The following DST variants were observed in gnomAD, a reference collection of about 807,000 sequenced individuals.
DST encodes the protein dystonin, also known as bullous pemphigoid antigen.
Under a neutral mutation model 875.2 loss-of-function variants are expected in DST, and 253 were observed. That is an observed-to-expected ratio of 0.29 (90% CI 0.26 to 0.32). The LOEUF (loss-of-function observed/expected upper bound fraction) is 0.32. Ranked by LOEUF, DST falls within the 10% of genes least tolerant of loss-of-function variation. The pLI is 1.00. For missense variants in DST, 8,287 were observed against 9,111.6 expected, an observed-to-expected ratio of 0.91 and a Z score of 3.68; for synonymous variants, 3,124 against 3,197.1, an observed-to-expected ratio of 0.98 and a Z score of 0.77.
At chr6:56,535,350 A>C in intron 62 of DST, 58 bp from the exon 63 acceptor site, 1 of 1,493,030 alleles carries the variant, frequency 6.7e-7, no homozygotes, top group Non-Finnish European at 8.9e-7. Context: ...ATGCAATCTG[A>C]GCACAAATCA....
At position 56,916,753 on chromosome 6, in the gene DST, ATCTC is replaced by A. The variant is rs70989741; in HGVS notation, c.217-16136_217-16133del. Among the ~76,000 whole-genome samples, 615 of 95,396 alleles carry A rather than the reference ATCTC, an allele frequency of 6.4e-3. 6 individuals are homozygous for A. Among genetic ancestry groups the A allele is most frequent in the African/African-American group, 0.025 (546 of 21,444 alleles). The allele number at this position is 95,396 out of a possible 152,430, so 62.6% of individuals were successfully genotyped here. ...GAGACAAGATCTTCTCTCTCTCTCT[ATCTC>A]TCTCTCTCTCTCTCTCTCTCTCACA... On this transcript the variant is annotated intron_variant, in intron 2 of 103. Coordinates refer to ENST00000680361, the MANE Select transcript of DST (RefSeq NM_001374736.1).
Position 56,555,687 on chromosome 6 carries a change from T to C in DST, c.14794A>G (p.Thr4932Ala), listed in dbSNP as rs535492343. Residue 4932 changes from threonine to alanine, a missense_variant, in exon 60 of 104, where the codon ACA (threonine) becomes GCA (alanine). Around this residue, in one of 10 missense-constraint regions of DST, gnomAD observed 1,513 missense variants for 1,677.8 expected, o/e 0.90. Transcript: ENST00000680361. Reference protein sequence around the residue: ...AAVTQKWDSLTGQLSDRCDWI... With the variant: ...AAVTQKWDSLAGQLSDRCDWI... Reference sequence around the variant, plus strand: ...TCACATCTGTCACTCAATTGCCCTGTTAGGCTATCCCATTTTTGGGTCACA... The same window carrying C: ...TCACATCTGTCACTCAATTGCCCTGCTAGGCTATCCCATTTTTGGGTCACA... 2 of 1,613,388 alleles carry C rather than the reference T, an allele frequency of 1.2e-6. No individual in the cohort carries two copies. The highest frequency in any genetic ancestry group is 1.1e-5 in the South Asian group (1 of 91,060).
At position 56,954,580 on chromosome 6, in the gene DST, G is replaced by A. The variant is rs778413220; in HGVS notation, c.8C>T (p.Ala3Val). 10 of 1,358,800 alleles carry A rather than the reference G, an allele frequency of 7.4e-6. 1 individual carries two copies. In the South Asian group the frequency reaches 1.1e-4, roughly 16 times the overall value. The allele number at this position is 1,358,800 out of a possible 1,614,324, so 84.2% of individuals were successfully genotyped here. Reference sequence around the variant, plus strand: ...TCTCAGCAAGACGAGGAAAGCCGCGGCGATCATGGTGCGGGCGAGGCGAGG... The same window carrying A: ...TCTCAGCAAGACGAGGAAAGCCGCGACGATCATGGTGCGGGCGAGGCGAGG... Reference protein sequence around the residue: MIAAAFLVLLRPY... With the variant: MIVAAFLVLLRPY... Residue 3 changes from alanine (A) to valine (V), a missense_variant, in exon 1 of 104, where the codon GCC (alanine) becomes GTC (valine). Ala to Val is a moderately conservative substitution (Grantham distance 64). Transcript: ENST00000680361.
chr6:56,658,775 G>A (rs936782243), intron 10 of DST, among the ~76,000 whole-genome samples: 1 of 152,202 alleles, frequency 6.6e-6, no homozygotes, highest in East Asian at 1.9e-4. Context: ...AACAGCCACT[G>A]TGCATATGGA....
intron 4 of DST, among the ~76,000 whole-genome samples, chr6:56,739,582 T>C (rs911844306): frequency 2.0e-5 from 3 of 152,110 alleles, no homozygotes; most frequent in Non-Finnish European, 4.4e-5. Context: ...CATTCCCAGA[T>C]GGTTAAGGCA....
intron 73 of DST, among the ~76,000 whole-genome samples, chr6:56,510,989 T>G (rs1291546883): frequency 6.6e-6 from 1 of 152,146 alleles, no homozygotes; most frequent in Admixed American, 6.5e-5. Flanking sequence ...AAATTATTTG[T>G]ATTATATCTA....
chr6:56,816,607 G>A (rs1195442426), intron 4 of DST, among the ~76,000 whole-genome samples: 1 of 152,060 alleles, frequency 6.6e-6, no homozygotes, highest in Non-Finnish European at 1.5e-5. Context: ...AAGCATCCTG[G>A]CAGTTTATTA....
intron 71 of DST, among the ~76,000 whole-genome samples, chr6:56,516,147 GAA>G (rs2096584636): frequency 1.4e-5 from 2 of 142,984 alleles, no homozygotes; most frequent in Non-Finnish European, 3.1e-5. Context: ...GAGAGAGAGA[GAA>G]AGAGAAAGAG....
At chr6:56,622,462 G>C (rs568652182) in intron 36 of DST, among the ~76,000 whole-genome samples, 4 of 150,010 alleles carry the variant, frequency 2.7e-5, no homozygotes, top group Non-Finnish European at 5.9e-5. Context: ...TGTAATCCCA[G>C]CTACTCGGAA....
intron 2 of DST, among the ~76,000 whole-genome samples, chr6:56,938,108 C>CTATATATATA (rs3031114): frequency 2.9e-4 from 35 of 120,750 alleles, no homozygotes; most frequent in African/African-American, 1.2e-3. Flanking sequence ...CTCTCTCTCT[C>CTATATATATA]TATATATATA....
At chr6:56,522,872 T>G (rs2096733145) in intron 69 of DST, among the ~76,000 whole-genome samples, 1 of 152,112 alleles carries the variant, frequency 6.6e-6, no homozygotes, top group Non-Finnish European at 1.5e-5. Context: ...GCTTAAAGAA[T>G]CAAGGTAGTC....
chr6:56,509,891 A>C lies in DST; in HGVS notation c.18781-18T>G, dbSNP rs557906194. On this transcript the variant is annotated intron_variant, in intron 73 of 103. Transcript: ENST00000680361. ...TCATGGAACTAGGGGCAAAACAAAG[A>C]GATCTTTTATGGAAAAAAGATCTGT... is the stretch of plus-strand genomic sequence containing the variant. The C allele has an allele frequency of 4.7e-5, 73 of 1,542,376 alleles. No homozygotes were observed. In the South Asian group the frequency reaches 9.0e-4, roughly 19 times the overall value.
At chr6:56,662,339 C>A (rs903368261) in intron 10 of DST, among the ~76,000 whole-genome samples, 1 of 152,176 alleles carries the variant, frequency 6.6e-6, no homozygotes, top group African/African-American at 2.4e-5. Context: ...AAGACACATA[C>A]AAAGTTCAGT....
chr6:56,620,289 T>C (rs398122943), intron 36 of DST: 1 of 1,614,208 alleles, frequency 6.2e-7, no homozygotes, highest in Non-Finnish European at 8.5e-7. Context: ...AGTGTTCGTC[T>C]GGTAAAGGTG....
intron 4 of DST, among the ~76,000 whole-genome samples, chr6:56,738,898 T>C (rs1187709295): frequency 6.6e-6 from 1 of 152,036 alleles, no homozygotes; most frequent in Admixed American, 6.6e-5. Context: ...GCTGGGATTA[T>C]AGGCGTGAAC....
At chr6:56,646,242 C>T in intron 13 of DST, 60 bp from the exon 14 acceptor site, 2 of 936,096 alleles carry the variant, frequency 2.1e-6, no homozygotes, top group Non-Finnish European at 3.2e-6. Context: ...TTCATGATCT[C>T]ACTAAGCCAC....
Position 56,748,357 on chromosome 6 carries a change from A to G in DST, c.626-13068T>C, listed in dbSNP as rs977895260. On this transcript the variant is annotated intron_variant, in intron 4 of 103. Coordinates refer to ENST00000680361, the MANE Select transcript of DST (RefSeq NM_001374736.1). ...AGGAATCTACATAAACCTAGGTTCAAATATTAGCATCAAAACTGGCTAGCA... is the reference window on the plus strand; with the variant it reads ...AGGAATCTACATAAACCTAGGTTCAGATATTAGCATCAAAACTGGCTAGCA... 3.3e-5 allele frequency among the ~76,000 whole-genome samples: 5 copies of G among 152,178 alleles called. No individual in the cohort carries two copies. In the East Asian group the frequency reaches 9.6e-4, roughly 29 times the overall value.
At chr6:56,868,002 C>T (rs1775082998) in intron 3 of DST, among the ~76,000 whole-genome samples, 1 of 152,146 alleles carries the variant, frequency 6.6e-6, no homozygotes, top group Non-Finnish European at 1.5e-5. Flanking sequence ...CTTCAGAAAG[C>T]TGTGTTGCCT....
chr6:56,504,409 A>G (rs2096247583), intron 77 of DST, among the ~76,000 whole-genome samples: 1 of 152,176 alleles, frequency 6.6e-6, no homozygotes, highest in South Asian at 2.1e-4. Flanking sequence ...GGAATTCTTC[A>G]TTACATGTGC....
Sources: gnomAD v4.1 joint callset for allele counts (sites outside exome capture counted in the v4.1 genomes callset) on GRCh38, gnomAD v4.1.1 for gene constraint, gnomAD v4.1.1 regional missense constraint, MANE v1.5 for transcripts, NCBI Gene and HGNC (gene_info 2026-07-23, HGNC 2026-07-21) for gene names.